SLC2A9: variants seen among roughly 807,000 people sequenced by gnomAD.
SLC2A9 encodes solute carrier family 2 member 9, also known as solute carrier family 2, facilitated glucose transporter member 9.
SLC2A9 carries 39 observed loss-of-function variants against 50.6 expected under a neutral mutation model. That is an observed-to-expected ratio of 0.77 (90% confidence interval 0.60 to 1.01). The LOEUF (loss-of-function observed/expected upper bound fraction) is 1.01. Ranked by LOEUF, SLC2A9 falls within the 50% of genes least tolerant of loss-of-function variation. The pLI, the probability that SLC2A9 is intolerant of heterozygous loss-of-function variation, is 0.00. For missense variants in SLC2A9, 686 were observed against 677.6 expected, an observed-to-expected ratio of 1.01 and a Z score of -0.14; for synonymous variants, 324 against 276.9, an observed-to-expected ratio of 1.17 and a Z score of -1.69.
At chr4:9,833,652 C>G (rs1726546764) in intron 11 of SLC2A9, among the ~76,000 whole-genome samples, 1 of 152,208 alleles carries the variant, frequency 6.6e-6, no homozygotes, top group Non-Finnish European at 1.5e-5. Flanking sequence ...CAAATACTGA[C>G]CTTTGGCTCA....
intron 7 of SLC2A9, among the ~76,000 whole-genome samples, 196 bp from the exon 8 acceptor site, chr4:9,908,541 T>C (rs186404460): frequency 7.0e-6 from 1 of 142,772 alleles, no homozygotes; most frequent in Admixed American, 7.0e-5. Context: ...TTTATTATTT[T>C]ATTTTTTATT....
chr4:9,780,620 G>A (rs1446619277), intron 3 of SLC2A9, among the ~76,000 whole-genome samples: 3 of 152,282 alleles, frequency 2.0e-5, no homozygotes, highest in East Asian at 1.9e-4. Context: ...CCAGCAGGTC[G>A]CAGCCGGAGC....
At chr4:9,802,560 T>A in intron 3 of SLC2A9, among the ~76,000 whole-genome samples, 1 of 49,288 alleles carries the variant, frequency 2.0e-5, no homozygotes, top group East Asian at 9.9e-4. Flanking sequence ...TGTTCTTTTC[T>A]TTTTTTTTTT....
intron 5 of SLC2A9, among the ~76,000 whole-genome samples, chr4:9,971,758 C>A (rs1209390414): frequency 1.3e-5 from 2 of 152,088 alleles, no homozygotes; most frequent in Non-Finnish European, 2.9e-5. Flanking sequence ...TAAAAGCAAA[C>A]CCCTGAAAAA....
At chr4:9,995,020 C>T (rs1037131522) in intron 3 of SLC2A9, among the ~76,000 whole-genome samples, 1 of 152,094 alleles carries the variant, frequency 6.6e-6, no homozygotes, top group African/African-American at 2.4e-5. Flanking sequence ...AGTACATTCC[C>T]AGCATTGGGA....
At chr4:9,783,159 A>C in intron 3 of SLC2A9, 9 of 1,614,148 alleles carry the variant, frequency 5.6e-6, no homozygotes, top group Non-Finnish European at 7.6e-6. Context: ...GGGTGCAGCC[A>C]CTTCTGCTCC....
intron 6 of SLC2A9, among the ~76,000 whole-genome samples, chr4:9,931,344 A>G (rs1056704334): frequency 3.3e-5 from 5 of 152,246 alleles, no homozygotes; most frequent in Admixed American, 6.5e-5. Context: ...CAACTGGGAA[A>G]AAAACCTCTG....
Position 10,018,830 on chromosome 4 carries a change from C to A in SLC2A9, c.249+145G>T, listed in dbSNP as rs890521600. On this transcript the variant is annotated intron_variant, in intron 2 of 11. Transcript: ENST00000264784. The stretch of plus-strand genomic sequence containing the variant: ...TTGTCTGTCTCTGTGCCTCCCCTCT[C>A]CCCCGAGTGGGGGCTAATCTCTGTC... 18 of 740,716 alleles carry A rather than the reference C, an allele frequency of 2.4e-5. 1 individual carries two copies. Among genetic ancestry groups the A allele is most frequent in the Admixed American group, 1.0e-4 (4 of 38,336 alleles). 45.9% of individuals were successfully genotyped at this position (740,716 alleles called of 1,614,324 possible).
chr4:9,910,368 A>G (rs924767975), intron 7 of SLC2A9, among the ~76,000 whole-genome samples: 1 of 151,864 alleles, frequency 6.6e-6, no homozygotes, highest in South Asian at 2.1e-4. Context: ...TATCCTGAAA[A>G]CTCTATGTCC....
chr4:10,016,795 TA>T (rs1762685387), intron 2 of SLC2A9, among the ~76,000 whole-genome samples: 1 of 151,936 alleles, frequency 6.6e-6, no homozygotes, highest in Non-Finnish European at 1.5e-5. Flanking sequence ...AAATTTTAAT[TA>T]AAAAAATGTG....
chr4:9,783,224 G>T (rs758232541), intron 3 of SLC2A9: 1 of 1,614,198 alleles, frequency 6.2e-7, no homozygotes, highest in East Asian at 2.2e-5. Flanking sequence ...CTACAACCAA[G>T]ACATCGTCTT....
chr4:9,906,547 G>A (rs894609272), intron 8 of SLC2A9, among the ~76,000 whole-genome samples: 2 of 152,224 alleles, frequency 1.3e-5, no homozygotes, highest in African/African-American at 4.8e-5. Flanking sequence ...GTGCTACTAT[G>A]TAAGAAATAT....
At chr4:9,829,403 C>A (rs573320786) in intron 11 of SLC2A9, among the ~76,000 whole-genome samples, 1 of 150,680 alleles carries the variant, frequency 6.6e-6, no homozygotes, top group African/African-American at 2.5e-5. Context: ...CTATAAAAAC[C>A]CTAGAAGAAA....
chr4:9,878,279 G>A (rs752270221), intron 10 of SLC2A9, among the ~76,000 whole-genome samples: 20 of 152,200 alleles, frequency 1.3e-4, no homozygotes, highest in Non-Finnish European at 1.6e-4. Context: ...AACCCCTAAT[G>A]TGGTGACTCA....
At chr4:10,003,463 T>C (rs1310684558) in intron 2 of SLC2A9, among the ~76,000 whole-genome samples, 1 of 152,136 alleles carries the variant, frequency 6.6e-6, no homozygotes, top group Non-Finnish European at 1.5e-5. Flanking sequence ...CGTTGGGAAA[T>C]GGCTGACAGA....
intron 1 of SLC2A9, among the ~76,000 whole-genome samples, chr4:10,039,050 T>C (rs927766143): frequency 9.8e-5 from 15 of 152,338 alleles, no homozygotes; most frequent in African/African-American, 3.4e-4. Flanking sequence ...AAGCTTTATT[T>C]TAAAAAGCAA....
At chr4:10,038,761 C>A (rs568830345) in intron 1 of SLC2A9, among the ~76,000 whole-genome samples, 1 of 152,112 alleles carries the variant, frequency 6.6e-6, no homozygotes, top group Non-Finnish European at 1.5e-5. Flanking sequence ...GGGAGAGCCT[C>A]GGACGGCAAG....
At chr4:9,927,580 T>C (rs1174163658) in intron 6 of SLC2A9, among the ~76,000 whole-genome samples, 3 of 152,166 alleles carry the variant, frequency 2.0e-5, no homozygotes, top group Non-Finnish European at 2.9e-5. Context: ...CTTCTAAAAA[T>C]AGGAGATTTC....
intron 8 of SLC2A9, among the ~76,000 whole-genome samples, chr4:9,893,535 A>G: frequency 1.4e-5 from 2 of 141,362 alleles, no homozygotes; most frequent in Admixed American, 7.0e-5. Flanking sequence ...AGAAAGAGAG[A>G]TAGGGGGAGG....
Sources: allele counts gnomAD v4.1 joint callset (sites outside exome capture counted in the v4.1 genomes callset), GRCh38; gene constraint gnomAD v4.1.1; transcripts MANE v1.5; gene names NCBI Gene and HGNC (gene_info 2026-07-23, HGNC 2026-07-21).